FOXRED1: variants seen among roughly 807,000 people sequenced by gnomAD.
FOXRED1 encodes the protein FAD dependent oxidoreductase domain containing 1.
Under a neutral mutation model 57.8 loss-of-function variants are expected in FOXRED1, and 52 were observed. That is an observed-to-expected ratio of 0.90 (90% CI 0.72 to 1.13). The LOEUF (loss-of-function observed/expected upper bound fraction) is 1.13. Among genes scored for constraint, FOXRED1 ranks in the 50% most tolerant of loss-of-function variants. The pLI, the probability that FOXRED1 is intolerant of heterozygous loss-of-function variation, is 0.00. For synonymous variants in FOXRED1, 271 were observed against 248.3 expected (o/e 1.09, Z -0.86); for missense variants, 589 against 625.2 (o/e 0.94, Z 0.62).
chr11:126,276,580 A>ATTATT, intron 9 of FOXRED1, 57 bp downstream of exon 9: 2 of 1,579,476 alleles, frequency 1.3e-6, no homozygotes, highest in Non-Finnish European at 1.7e-6. Context: ...TTGTCACGAA[A>ATTATT]CAATCAGGCT....
In FOXRED1 at chr11:126,273,055, A is replaced by T; in HGVS notation, c.393A>T (p.Ser131=). Residue 131 remains serine, a synonymous_variant, in exon 3 of 11, where the codon TCA becomes TCT. Transcript: ENST00000263578. This position sits in a 1 kb window ranked among gnomAD's most constrained non-coding sequence, Gnocchi z 5.9. Reference sequence around the variant, plus strand: ...AGAACATCCAGCTCTCCCTCTTTTCAGCCAGCTTTCTACGGAACATCAATG... The same window carrying T: ...AGAACATCCAGCTCTCCCTCTTTTCTGCCAGCTTTCTACGGAACATCAATG... ...LPENIQLSLF[S]ASFLRNINEY... is the part of the protein sequence containing the mutation. The T allele has an allele frequency of 2.5e-6, 4 of 1,596,910 alleles. No homozygotes were observed. Among genetic ancestry groups the T allele is most frequent in the Non-Finnish European group, 3.4e-6 (4 of 1,164,300 alleles).
chr11:126,269,483 G>T (rs1199747534), intron 1 of FOXRED1, 192 bp downstream of exon 1: 2 of 990,466 alleles, frequency 2.0e-6, no homozygotes, highest in Admixed American at 2.0e-5. Context: ...CCCTTTTCAG[G>T]TGGCAGGTCT....
Position 126,276,420 on chromosome 11 carries a change from A to G in FOXRED1, c.998A>G (p.Gln333Arg), listed in dbSNP as rs761452775. ...TATGTGTATGTGTGGCACTGCCCCC[A>G]GGGACCAGGCCTAGAGACTCCGCTT... ...KRYVYVWHCP[Q>R]GPGLETPLVA... The change falls in exon 9 of 11, where the codon CAG (glutamine) becomes CGG (arginine). Residue 333 changes from glutamine (Q) to arginine (R), a missense_variant. Transcript: ENST00000263578. 6.7e-7 allele frequency: 1 copy of G among 1,499,130 alleles called. No homozygotes were observed. Among genetic ancestry groups the G allele is most frequent in the Non-Finnish European group, 9.0e-7 (1 of 1,110,254 alleles). 92.9% of individuals were successfully genotyped at this position (1,499,130 alleles called of 1,614,324 possible).
At position 126,277,986 on chromosome 11, in the gene FOXRED1, C is replaced by T; in HGVS notation, c.*297C>T. ...TGGCCCAGGACTGGCTTCATCCTGG[C>T]ACTGACCAGGAAAGACTGCCTCTGA... On this transcript the variant is annotated 3_prime_UTR_variant, in exon 11 of 11. Coordinates refer to ENST00000263578, the MANE Select transcript of FOXRED1 (RefSeq NM_017547.4). The surrounding 1 kb of genome is among the most constrained non-coding windows in gnomAD (Gnocchi z 6.8). 1.7e-6 allele frequency: 1 copy of T among 603,078 alleles called. No individual in the cohort carries two copies. The highest frequency in any genetic ancestry group is 3.1e-6 in the Non-Finnish European group (1 of 323,008). The allele number at this position is 603,078 out of a possible 1,614,324, so 37.4% of individuals were successfully genotyped here.
At position 126,269,237 on chromosome 11, in the gene FOXRED1, G is replaced by C. The variant is rs775623101; in HGVS notation, c.31G>C (p.Gly11Arg). Residue 11 changes from glycine to arginine, a missense_variant, in exon 1 of 11, where the codon GGC becomes CGC. Gly to Arg is a moderately radical substitution (Grantham distance 125). Coordinates refer to ENST00000263578, the MANE Select transcript of FOXRED1 (RefSeq NM_017547.4). The stretch of plus-strand genomic sequence containing the variant: ...TCGGAGGGTTCTGCCGCACGGCATG[G>C]GCCGGGGCCTCTTGACCCGGAGGCC... MIRRVLPHGM[G>R]RGLLTRRPGT... 2 of 1,614,130 alleles carry C rather than the reference G, an allele frequency of 1.2e-6. No homozygotes were observed. Among genetic ancestry groups the C allele is most frequent in the South Asian group, 1.1e-5 (1 of 91,086 alleles).
chr11:126,269,388 A>G (rs1950908510), intron 1 of FOXRED1, 97 bp downstream of exon 1: 11 of 1,606,050 alleles, frequency 6.8e-6, no homozygotes, highest in Admixed American at 1.7e-5. Context: ...CCACACTGGC[A>G]GGACAGTGGG....
At chr11:126,270,672 G>A (rs1311369543) in intron 1 of FOXRED1, among the ~76,000 whole-genome samples, 1 of 152,214 alleles carries the variant, frequency 6.6e-6, no homozygotes, top group East Asian at 1.9e-4. Context: ...AGATTGTGCA[G>A]TATCTTACAG....
chr11:126,276,408 G>A lies in FOXRED1; in HGVS notation c.986G>A (p.Trp329Ter), dbSNP rs1565356767. Residue 329 changes from tryptophan (W) to a stop codon, truncating the protein, a stop_gained, in exon 9 of 11, where the codon TGG (tryptophan) becomes TAG (stop). Coordinates refer to ENST00000263578, the MANE Select transcript of FOXRED1 (RefSeq NM_017547.4). LOFTEE classifies it high-confidence loss of function. Reference protein sequence around the residue: ...VEPRKRYVYVWHCPQGPGLET... With the variant: ...VEPRKRYVYV ...GGTTGTGGCAGGTATGTGTATGTGT[G>A]GCACTGCCCCCAGGGACCAGGCCTA... 6.3e-7 allele frequency: 1 copy of A among 1,577,532 alleles called. No homozygotes were observed.
intron 1 of FOXRED1, 67 bp downstream of exon 1, chr11:126,269,358 T>G (rs758003639): frequency 2.5e-6 from 4 of 1,612,836 alleles, no homozygotes; most frequent in Non-Finnish European, 3.4e-6. Flanking sequence ...TGTGTGTCCT[T>G]CAGGACCCGA....
In FOXRED1 at chr11:126,277,169, T is replaced by G; in HGVS notation, c.1200T>G (p.Thr400=). ...CCCTGAGGGTCCCAGCTTTTGAGAC[T>G]CTGAAGGTAACTGGCAAGGGCTGGT... ...HLALRVPAFE[T]LKVQSAWAGY... Residue 400 remains threonine, a synonymous_variant, in exon 10 of 11, where the codon ACT becomes ACG. Coordinates refer to ENST00000263578, the MANE Select transcript of FOXRED1 (RefSeq NM_017547.4). This position sits in a 1 kb window ranked among gnomAD's most constrained non-coding sequence, Gnocchi z 6.8. The G allele has an allele frequency of 6.3e-7, 1 of 1,593,958 alleles. No individual in the cohort carries two copies. The highest frequency in any genetic ancestry group is 8.6e-7 in the Non-Finnish European group (1 of 1,161,882).
Position 126,273,539 on chromosome 11 carries a change from G to T in FOXRED1, c.536+85G>T. ...CACCAGGTTAGGAAGCGAGAAAGTG[G>T]AGTTGATAAGACAGATCCCTGCGGT... On this transcript the variant is annotated intron_variant, in intron 4 of 10. Coordinates refer to ENST00000263578, the MANE Select transcript of FOXRED1 (RefSeq NM_017547.4). The surrounding 1 kb of genome is among the most constrained non-coding windows in gnomAD (Gnocchi z 5.9). 1.1e-6 allele frequency: 1 copy of T among 891,660 alleles called. No individual in the cohort carries two copies. Among genetic ancestry groups the T allele is most frequent in the Non-Finnish European group, 1.9e-6 (1 of 526,522 alleles). The allele number at this position is 891,660 out of a possible 1,614,324, so 55.2% of individuals were successfully genotyped here. A position where few individuals can be genotyped will look rare whatever the true frequency, so the allele number is the denominator to read the frequency against.
In FOXRED1 at chr11:126,275,028, C is replaced by T. The variant is rs1353926321; in HGVS notation, c.631+7C>T. On this transcript the variant is annotated splice_region_variant and intron_variant, in intron 5 of 10. Coordinates refer to ENST00000263578, the MANE Select transcript of FOXRED1 (RefSeq NM_017547.4). The surrounding 1 kb of genome is among the most constrained non-coding windows in gnomAD (Gnocchi z 5.9). ...GTGGCTTTGGCGTCTTATGGTGAGG[C>T]TTGCTTGCAGAGGGGACAGCTTTTT... 6.3e-7 allele frequency: 1 copy of T among 1,594,374 alleles called. No individual in the cohort carries two copies. The highest frequency in any genetic ancestry group is 8.6e-7 in the Non-Finnish European group (1 of 1,161,906).
Position 126,274,156 on chromosome 11 carries a change from G to A in FOXRED1, c.536+702G>A, listed in dbSNP as rs946653501. Reference sequence around the variant, plus strand: ...GAGGAAACTGAGGCATAAGGCGCTAGTAAGTGGTGGCGGTAGGATCTTATT... The same window carrying A: ...GAGGAAACTGAGGCATAAGGCGCTAATAAGTGGTGGCGGTAGGATCTTATT... On this transcript the variant is annotated intron_variant, in intron 4 of 10. Coordinates refer to ENST00000263578, the MANE Select transcript of FOXRED1 (RefSeq NM_017547.4). The surrounding 1 kb of genome is among the most constrained non-coding windows in gnomAD (Gnocchi z 4.8). 1 of 158,278 alleles carries A rather than the reference G, an allele frequency of 6.3e-6. No homozygotes were observed. Among genetic ancestry groups the A allele is most frequent in the Non-Finnish European group, 1.4e-5 (1 of 71,442 alleles). The allele number at this position is 158,278 out of a possible 1,614,324, so 9.8% of individuals were successfully genotyped here. A position where few individuals can be genotyped will look rare whatever the true frequency, so the allele number is the denominator to read the frequency against.
In FOXRED1 at chr11:126,275,898, A is replaced by T. The variant is rs762847933; in HGVS notation, c.810+28A>T. On this transcript the variant is annotated intron_variant, in intron 7 of 10. Transcript: ENST00000263578. This position sits in a 1 kb window ranked among gnomAD's most constrained non-coding sequence, Gnocchi z 5.9. ...AAGTTTCTAGTCTGTGATGTCCTTTACCAAAATGGAGGGACAGGGAAGGTA... is the reference window on the plus strand; with the variant it reads ...AAGTTTCTAGTCTGTGATGTCCTTTTCCAAAATGGAGGGACAGGGAAGGTA... The T allele has an allele frequency of 6.4e-7, 1 of 1,568,528 alleles. No homozygotes were observed. The highest frequency in any genetic ancestry group is 1.1e-5 in the South Asian group (1 of 90,172).
Position 126,271,764 on chromosome 11 carries a change from G to C in FOXRED1, c.306+107G>C. ...GAGAGGAGGGGAAGACCTCAATCTC[G>C]GAGGGTCCAACGGACAGAGATTGTG... is the stretch of plus-strand genomic sequence containing the variant. On this transcript the variant is annotated intron_variant, in intron 2 of 10. Transcript: ENST00000263578. The surrounding 1 kb of genome is among the most constrained non-coding windows in gnomAD (Gnocchi z 5.3). The C allele has an allele frequency of 2.2e-6, 2 of 919,488 alleles. No individual in the cohort carries two copies. Among genetic ancestry groups the C allele is most frequent in the Non-Finnish European group, 3.5e-6 (2 of 573,264 alleles). 57.0% of individuals were successfully genotyped at this position (919,488 alleles called of 1,614,324 possible).
At chr11:126,270,136 A>G (rs1591544665) in intron 1 of FOXRED1, among the ~76,000 whole-genome samples, 1 of 152,200 alleles carries the variant, frequency 6.6e-6, no homozygotes, top group African/African-American at 2.4e-5. Context: ...TGTGTGTTCC[A>G]GTCTCTAAAT....
rs1950996666 is a variant in FOXRED1 at position 126,271,876 on chromosome 11, A to G, written c.306+219A>G. ...ATAAGGTTTGTTCTTTTGAAAGCAG[A>G]TATCACCATATTGGATTTTTCGAGA... On this transcript the variant is annotated intron_variant, in intron 2 of 10. Transcript: ENST00000263578. This position sits in a 1 kb window ranked among gnomAD's most constrained non-coding sequence, Gnocchi z 5.3. 3.6e-6 allele frequency: 2 copies of G among 561,502 alleles called. No individual in the cohort carries two copies. The highest frequency in any genetic ancestry group is 3.8e-5 in the African/African-American group (2 of 53,260). The allele number at this position is 561,502 out of a possible 1,614,324, so 34.8% of individuals were successfully genotyped here.
Position 126,278,021 on chromosome 11 carries a change from C to T in FOXRED1, c.*332C>T, listed in dbSNP as rs1239372939. 3 of 546,802 alleles carry T rather than the reference C, an allele frequency of 5.5e-6. No homozygotes were observed. The East Asian group carries it at 1.3e-4, about 24-fold the overall frequency. 33.9% of individuals were successfully genotyped at this position (546,802 alleles called of 1,614,324 possible). A position where few individuals can be genotyped will look rare whatever the true frequency, so the allele number is the denominator to read the frequency against. On this transcript the variant is annotated 3_prime_UTR_variant, in exon 11 of 11. Coordinates refer to ENST00000263578, the MANE Select transcript of FOXRED1 (RefSeq NM_017547.4). The surrounding 1 kb of genome is among the most constrained non-coding windows in gnomAD (Gnocchi z 4.8). ...GAAAGACTGCCTCTGACCCTCTTAG[C>T]AGACAGAGCCCAGGCATGGGAGCAC...
rs755204475 is a variant in FOXRED1 at position 126,277,046 on chromosome 11, G to A, written c.1102-25G>A. The A allele has an allele frequency of 3.5e-6, 5 of 1,414,288 alleles. No individual in the cohort carries two copies. The highest frequency in any genetic ancestry group is 5.0e-6 in the Non-Finnish European group (5 of 998,072). 87.6% of individuals were successfully genotyped at this position (1,414,288 alleles called of 1,614,324 possible). ...TGTCCTTGTGTCCCAGGCAATGTAA[G>A]CGTTGTCCCCACCTCTCACTCCAGC... is the stretch of plus-strand genomic sequence containing the variant. On this transcript the variant is annotated intron_variant, in intron 9 of 10. Transcript: ENST00000263578. This position sits in a 1 kb window ranked among gnomAD's most constrained non-coding sequence, Gnocchi z 6.8.
Sources: allele counts gnomAD v4.1 joint callset (sites outside exome capture counted in the v4.1 genomes callset), GRCh38; gene constraint gnomAD v4.1.1; non-coding constraint Gnocchi (gnomAD v3.1); transcripts MANE v1.5; gene names NCBI Gene and HGNC (gene_info 2026-07-23, HGNC 2026-07-21).